Variants in ABCC3 observed in about 807,000 individuals in gnomAD.
ABCC3 encodes the protein ATP-binding cassette sub-family C member 3.
ABCC3 carries 121 observed loss-of-function variants against 165.3 expected under a neutral mutation model. That is an observed-to-expected ratio of 0.73 (90% confidence interval 0.63 to 0.85). The LOEUF is 0.85. ABCC3 is among the 40% of genes least tolerant of loss of function. The pLI is 0.00. For missense variants in ABCC3, 1,869 were observed against 1,964.1 expected (o/e 0.95, Z 0.92); for synonymous variants, 733 against 810.1 (o/e 0.90, Z 1.62).
At chr17:50,659,042 G>A (rs733392) in intron 6 of ABCC3, 195 bp from the exon 7 acceptor site, 151,675 of 550,854 alleles carry the variant, frequency 0.28, 22,221 homozygotes, top group South Asian at 0.41. Context: ...GTAGTGGTAG[G>A]AACTTCGGAG....
chr17:50,654,602 T>A (rs1967183947), intron 1 of ABCC3, among the ~76,000 whole-genome samples: 1 of 152,122 alleles, frequency 6.6e-6, no homozygotes. Context: ...AGACTCTCCA[T>A]ATCCTTTGGT....
chr17:50,674,516 A>G (rs1013564253), intron 19 of ABCC3: 1 of 152,206 alleles, frequency 6.6e-6, no homozygotes, highest in East Asian at 1.9e-4. Flanking sequence ...CAATCACTAT[A>G]TACAGGCACT....
chr17:50,649,892 G>C (rs4793666), intron 1 of ABCC3, among the ~76,000 whole-genome samples: 96,362 of 152,132 alleles, frequency 0.63, 31,637 homozygotes, highest in Non-Finnish European at 0.73. Flanking sequence ...AAGCTTAGCT[G>C]TTTTAATAGC....
chr17:50,661,142 C>A, intron 8 of ABCC3, 28 bp downstream of exon 8: 1 of 1,573,170 alleles, frequency 6.4e-7, no homozygotes, highest in Non-Finnish European at 8.7e-7. Flanking sequence ...CTCACTATAG[C>A]CCTGCCCTGG....
At chr17:50,674,329 T>C (rs1477867982) in intron 19 of ABCC3, 4 of 151,888 alleles carry the variant, frequency 2.6e-5, no homozygotes, top group African/African-American at 9.7e-5. Context: ...CCTCCCAAAG[T>C]GCTGGGATTA....
intron 6 of ABCC3, among the ~76,000 whole-genome samples, chr17:50,658,746 C>A (rs1317745696): frequency 6.6e-6 from 1 of 152,236 alleles, no homozygotes; most frequent in African/African-American, 2.4e-5. Context: ...TGGGGACAGG[C>A]CCAGGAGGCT....
intron 23 of ABCC3, 140 bp from the exon 24 acceptor site, chr17:50,677,604 G>A (rs1967846287): frequency 1.2e-6 from 1 of 811,194 alleles, no homozygotes; most frequent in African/African-American, 1.7e-5. Context: ...GTCCTTGGAG[G>A]TGGGGGAAGG....
At chr17:50,635,838 G>A (rs541893743) in intron 1 of ABCC3, 10 of 460,476 alleles carry the variant, frequency 2.2e-5, no homozygotes, top group Non-Finnish European at 3.5e-5. Context: ...AGCTATGATC[G>A]CACCACTGCA....
intron 1 of ABCC3, among the ~76,000 whole-genome samples, chr17:50,638,048 C>A (rs973239963): frequency 2.0e-5 from 3 of 152,220 alleles, no homozygotes; most frequent in African/African-American, 7.2e-5. Flanking sequence ...TCACCCATAT[C>A]GACTTTGAAG....
At chr17:50,681,475 T>G (rs1444605208) in intron 26 of ABCC3, among the ~76,000 whole-genome samples, 15 of 152,202 alleles carry the variant, frequency 9.9e-5, no homozygotes, top group Admixed American at 9.8e-4. Flanking sequence ...CCTGTCATTC[T>G]TGCTCCCTCT....
At chr17:50,687,839 G>T (rs1379178929) in intron 30 of ABCC3, 109 bp downstream of exon 30, 4 of 1,183,788 alleles carry the variant, frequency 3.4e-6, no homozygotes, top group Non-Finnish European at 4.8e-6. Context: ...TCCTGGGATT[G>T]CTAGGGCATG....
intron 1 of ABCC3, chr17:50,635,562 C>CG (rs2054172023): frequency 1.4e-6 from 1 of 702,584 alleles, no homozygotes; most frequent in Non-Finnish European, 2.6e-6. Context: ...CCCACCACTC[C>CG]GGACTCAGAA....
intron 17 of ABCC3, among the ~76,000 whole-genome samples, chr17:50,670,456 C>T (rs541578871): frequency 6.4e-4 from 97 of 152,176 alleles, no homozygotes; most frequent in African/African-American, 2.2e-3. Context: ...ATTCATTTAC[C>T]ATATATTTAT....
intron 1 of ABCC3, chr17:50,635,386 T>C: frequency 3.0e-6 from 2 of 675,412 alleles, no homozygotes; most frequent in South Asian, 1.6e-5. Context: ...TGCCTCAGGT[T>C]AGGACTCGGT....
chr17:50,635,518 T>G, intron 1 of ABCC3: 1 of 702,572 alleles, frequency 1.4e-6, no homozygotes, highest in Middle Eastern at 2.3e-4. Context: ...CCTTCTTTTC[T>G]CTAGGTAAGA....
In ABCC3 at chr17:50,687,651, G is replaced by A. The variant is rs968583811; in HGVS notation, c.4396G>A (p.Ala1466Thr). 3.1e-6 allele frequency: 5 copies of A among 1,614,128 alleles called. No homozygotes were observed. Among genetic ancestry groups the A allele is most frequent in the African/African-American group, 1.3e-5 (1 of 74,940 alleles). ...CCTGGAGACTGACAACCTCATCCAG[G>A]CTACCATCCGCACCCAGTTTGATAC... is the stretch of plus-strand genomic sequence containing the variant. ...IDLETDNLIQATIRTQFDTCT... is the reference protein window; with the variant it reads ...IDLETDNLIQTTIRTQFDTCT... Residue 1466 changes from alanine (A) to threonine (T), a missense_variant, in exon 30 of 31, where the codon GCT (alanine) becomes ACT (threonine). Transcript: ENST00000285238.
chr17:50,656,181 G>A (rs1189146724), intron 2 of ABCC3, among the ~76,000 whole-genome samples, 173 bp downstream of exon 2: 1 of 152,210 alleles, frequency 6.6e-6, no homozygotes, highest in Non-Finnish European at 1.5e-5. Context: ...TGCCTTCTGG[G>A]TTCAAGCGAT....
intron 11 of ABCC3, 132 bp from the exon 12 acceptor site, chr17:50,667,422 G>C: frequency 1.2e-6 from 1 of 806,026 alleles, no homozygotes; most frequent in Non-Finnish European, 2.0e-6. Context: ...GCCCAGCAAG[G>C]AGTTGTGAGA....
intron 1 of ABCC3, among the ~76,000 whole-genome samples, chr17:50,641,658 T>G (rs1966893781): frequency 6.6e-6 from 1 of 152,176 alleles, no homozygotes; most frequent in Non-Finnish European, 1.5e-5. Flanking sequence ...CAGGCCCTGC[T>G]CTAAGCAACA....
Sources: allele counts gnomAD v4.1 joint callset (sites outside exome capture counted in the v4.1 genomes callset), GRCh38; gene constraint gnomAD v4.1.1; transcripts MANE v1.5; gene names NCBI Gene and HGNC (gene_info 2026-07-23, HGNC 2026-07-21).